The following TMPRSS6 variants were observed in gnomAD, a reference collection of about 807,000 sequenced individuals.
TMPRSS6 encodes the protein transmembrane protease serine 6.
TMPRSS6 carries 67 observed loss-of-function variants against 101.5 expected under a neutral mutation model. The ratio of observed to expected loss-of-function variants is 0.66; its 90% CI spans 0.54 to 0.81. The LOEUF (loss-of-function observed/expected upper bound fraction) is 0.81, where lower values mean the gene tolerates loss of function less well. Ranked by LOEUF, TMPRSS6 falls within the 30% of genes least tolerant of loss-of-function variation. TMPRSS6 has a pLI of 0.00. For missense variants in TMPRSS6, 1,034 were observed against 1,088.7 expected (o/e 0.95, Z 0.71); for synonymous variants, 453 against 464.9 (o/e 0.97, Z 0.33).
In TMPRSS6 at chr22:37,103,508, C is replaced by T; in HGVS notation, c.-1-90G>A. The T allele has an allele frequency of 1.2e-6, 2 of 1,614,192 alleles. No homozygotes were observed. The highest frequency in any genetic ancestry group is 1.7e-6 in the Non-Finnish European group (2 of 1,180,032). ...CCGGTGGGGCACGGAAGCAGGACTT[C>T]CCTGCCTTTTGGAGTGGAAGAGTAA... On this transcript the variant is annotated intron_variant, in intron 1 of 17. Transcript: ENST00000676104. The surrounding 1 kb of genome is among the most constrained non-coding windows in gnomAD (Gnocchi z 4.4).
At chr22:37,107,067 G>A (rs1167364886) in intron 1 of TMPRSS6, among the ~76,000 whole-genome samples, 1 of 152,262 alleles carries the variant, frequency 6.6e-6, no homozygotes, top group Non-Finnish European at 1.5e-5. Flanking sequence ...CATGAGTGAA[G>A]GATCAGAAAG....
intron 10 of TMPRSS6, among the ~76,000 whole-genome samples, chr22:37,077,633 C>T (rs1340567290): frequency 1.3e-5 from 2 of 152,136 alleles, no homozygotes; most frequent in African/African-American, 4.8e-5. Flanking sequence ...GTCTGTGAAG[C>T]CAGTTGTTAA....
intron 13 of TMPRSS6, among the ~76,000 whole-genome samples, chr22:37,071,990 A>G (rs893870901): frequency 1.0e-4 from 15 of 146,902 alleles, no homozygotes; most frequent in African/African-American, 3.6e-4. Flanking sequence ...GGATGGATGG[A>G]TGATGGATGG....
intron 2 of TMPRSS6, among the ~76,000 whole-genome samples, chr22:37,100,657 G>A (rs1369085777): frequency 3.3e-5 from 5 of 152,212 alleles, no homozygotes; most frequent in East Asian, 1.9e-4. Flanking sequence ...CATAGGGTCC[G>A]AGATGCTCCT....
intron 1 of TMPRSS6, among the ~76,000 whole-genome samples, chr22:37,108,923 C>G (rs1930886869): frequency 6.6e-6 from 1 of 152,154 alleles, no homozygotes; most frequent in Non-Finnish European, 1.5e-5. Flanking sequence ...AACACACTCA[C>G]AGACCCACAG....
rs868254410 is a variant in TMPRSS6 at position 37,096,710 on chromosome 22, C to A, written c.342G>T (p.Lys114Asn). ...SETAKAQKML[K>N]ELITSTRLGT... ...CCAGGCGGGTGCTGGTGATGAGCTC[C>A]TTGAGCTGTGAGAAGGGAAGACAAC... The change falls in exon 4 of 18, where the codon AAG (lysine) becomes AAT (asparagine). Residue 114 changes from lysine (K) to asparagine (N), a missense_variant. Transcript: ENST00000676104. 6.4e-7 allele frequency: 1 copy of A among 1,563,102 alleles called. No homozygotes were observed.
intron 9 of TMPRSS6, 120 bp downstream of exon 9, chr22:37,084,607 G>A: frequency 1.1e-6 from 1 of 936,736 alleles, no homozygotes; most frequent in Non-Finnish European, 1.7e-6. Context: ...TGTGTACCCA[G>A]GGCTCAGCCT....
At chr22:37,075,429 C>T (rs867137011) in intron 10 of TMPRSS6, 149 bp from the exon 11 acceptor site, 13 of 1,071,986 alleles carry the variant, frequency 1.2e-5, no homozygotes, top group Admixed American at 2.2e-5. Context: ...TAGATGAGTG[C>T]ACCCCCAGAG....
At chr22:37,088,289 G>A (rs1928944635) in intron 7 of TMPRSS6, among the ~76,000 whole-genome samples, 1 of 152,154 alleles carries the variant, frequency 6.6e-6, no homozygotes, top group African/African-American at 2.4e-5. Context: ...GACAAGGAGA[G>A]AGCAGCTTGG....
chr22:37,081,528 T>C (rs910036741), intron 10 of TMPRSS6, among the ~76,000 whole-genome samples: 2 of 152,208 alleles, frequency 1.3e-5, no homozygotes, highest in Non-Finnish European at 2.9e-5. Context: ...GGCCCTGGGC[T>C]GGCCTGAACC....
intron 6 of TMPRSS6, among the ~76,000 whole-genome samples, chr22:37,090,028 G>T (rs140341704): frequency 6.6e-6 from 1 of 152,340 alleles, no homozygotes; most frequent in African/African-American, 2.4e-5. Flanking sequence ...CGCCTTCTCA[G>T]TGCCCAGGTA....
intron 7 of TMPRSS6, among the ~76,000 whole-genome samples, chr22:37,088,973 G>C (rs931161403): frequency 3.4e-5 from 5 of 149,248 alleles, no homozygotes; most frequent in Admixed American, 2.7e-4. Flanking sequence ...CCACACCCCC[G>C]CCCCACACAC....
intron 1 of TMPRSS6, among the ~76,000 whole-genome samples, chr22:37,108,138 T>C (rs1218921669): frequency 1.3e-5 from 2 of 152,062 alleles, no homozygotes; most frequent in Non-Finnish European, 2.9e-5. Context: ...ATTTTAACAA[T>C]GGGATGGTAG....
chr22:37,079,999 CCCA>C (rs1338957296), intron 10 of TMPRSS6: 1 of 152,322 alleles, frequency 6.6e-6, no homozygotes, highest in Non-Finnish European at 1.5e-5. Context: ...TCTGCCTGTC[CCCA>C]CTGGCTGGGA....
Position 37,065,963 on chromosome 22 carries a change from ACCACAGGG to A in TMPRSS6, c.*109_*116del. On this transcript the variant is annotated 3_prime_UTR_variant, in exon 18 of 18. Transcript: ENST00000676104. ...ACGAGACAAGATGCCACCTCCTGCCACCACAGGGCCTGCTCTCTCCCCCACCCCCCGCC... is the reference window on the plus strand; with the variant it reads ...ACGAGACAAGATGCCACCTCCTGCCACCTGCTCTCTCCCCCACCCCCCGCC... The A allele has an allele frequency of 1.5e-6, 2 of 1,367,612 alleles. No homozygotes were observed. The highest frequency in any genetic ancestry group is 1.0e-6 in the Non-Finnish European group (1 of 975,280). 84.7% of individuals were successfully genotyped at this position (1,367,612 alleles called of 1,614,324 possible).
At position 37,098,380 on chromosome 22, in the gene TMPRSS6, T is replaced by C. The variant is rs732756; in HGVS notation, c.336+36A>G. The stretch of plus-strand genomic sequence containing the variant: ...CCCCACCCCTCTCTTTTCACCCCCA[T>C]ATTCCCTCCCTCTCATCCCCCAGAT... On this transcript the variant is annotated intron_variant, in intron 3 of 17. Transcript: ENST00000676104. The C allele has an allele frequency of 0.2, 327,362 of 1,601,932 alleles. 34,478 individuals carry two copies. The highest frequency in any genetic ancestry group is 0.22 in the Non-Finnish European group (260,290 of 1,171,446).
At position 37,066,972 on chromosome 22, in the gene TMPRSS6, G is replaced by A. The variant is rs753525102; in HGVS notation, c.2114-10C>T. On this transcript the variant is annotated splice_polypyrimidine_tract_variant and intron_variant, in intron 16 of 17. Coordinates refer to ENST00000676104, the MANE Select transcript of TMPRSS6 (RefSeq NM_001374504.1). ...GCGTTGCTGATGGGGCCTGTCCGTG[G>A]TCAAGGGCAGAAGTGAGATCTCAGG... 2 of 1,614,132 alleles carry A rather than the reference G, an allele frequency of 1.2e-6. No individual in the cohort carries two copies. The highest frequency in any genetic ancestry group is 8.5e-7 in the Non-Finnish European group (1 of 1,180,016).
chr22:37,110,445 G>A (rs1020552832), upstream of TMPRSS6, among the ~76,000 whole-genome samples: 9 of 152,154 alleles, frequency 5.9e-5, no homozygotes, highest in South Asian at 1.5e-3. Context: ...CACGCAGCAT[G>A]AATTCCTACC....
chr22:37,072,491 T>TG (rs1927125385), intron 13 of TMPRSS6, among the ~76,000 whole-genome samples: 1 of 115,276 alleles, frequency 8.7e-6, no homozygotes, highest in Non-Finnish European at 1.7e-5. Flanking sequence ...GGATGATGGA[T>TG]GATGGATGGA....
Sources: gnomAD v4.1 joint callset for allele counts (sites outside exome capture counted in the v4.1 genomes callset) on GRCh38, gnomAD v4.1.1 for gene constraint, Gnocchi (gnomAD v3.1) non-coding constraint, MANE v1.5 for transcripts, NCBI Gene and HGNC (gene_info 2026-07-23, HGNC 2026-07-21) for gene names.